CXADR: variants seen among roughly 807,000 people sequenced by gnomAD.
CXADR encodes CXADR cell adhesion molecule, also known as coxsackievirus and adenovirus receptor.
In CXADR, 20 loss-of-function variants were observed where a neutral mutation model predicts 40.3. That is an observed-to-expected ratio of 0.50 (90% CI 0.35 to 0.72). The LOEUF (loss-of-function observed/expected upper bound fraction) is 0.72, where lower values mean the gene tolerates loss of function less well. Ranked by LOEUF, CXADR falls within the 30% of genes least tolerant of loss-of-function variation. CXADR has a pLI of 0.01. For synonymous variants in CXADR, 150 were observed against 161.3 expected, an observed-to-expected ratio of 0.93 and a Z score of 0.53; for missense variants, 332 against 449.1, an observed-to-expected ratio of 0.74 and a Z score of 2.36.
chr21:17,559,669 G>GTTT lies in CXADR; in HGVS notation c.571+558_571+560dup, dbSNP rs1447996912. On this transcript the variant is annotated intron_variant, in intron 4 of 6. Transcript: ENST00000284878. Reference sequence around the variant, plus strand: ...TAGTTACTTTGGTACTTTTTTTTGGGTTTTTTTTTTTTTTTTTTTTTTCCG... The same window carrying GTTT: ...TAGTTACTTTGGTACTTTTTTTTGGGTTTTTTTTTTTTTTTTTTTTTTTTTCCG... 1.4e-3 allele frequency among the ~76,000 whole-genome samples: 38 copies of GTTT among 27,894 alleles called. 1 individual carries two copies. The highest frequency in any genetic ancestry group is 4.0e-3 in the African/African-American group (32 of 7,946). 18.3% of individuals were successfully genotyped at this position (27,894 alleles called of 152,430 possible).
downstream of CXADR, chr21:17,593,707 AAAC>A (rs552951198): frequency 1.1e-3 from 188 of 164,880 alleles, no homozygotes; most frequent in Middle Eastern, 2.8e-3. Flanking sequence ...CAATTCTCTT[AAAC>A]AACGACATAA....
intron 1 of CXADR, among the ~76,000 whole-genome samples, chr21:17,523,345 A>G (rs1395764251): frequency 1.3e-5 from 2 of 152,206 alleles, no homozygotes; most frequent in East Asian, 1.9e-4. Context: ...AGGACCTAGA[A>G]GAGAAAGAGC....
the CXADR span, chr21:17,609,067 T>G: frequency 6.2e-7 from 1 of 1,614,150 alleles, no homozygotes; most frequent in South Asian, 1.1e-5. Context: ...ACCTCTCAAC[T>G]GCCTCTTTTT....
intron 7 of CXADR, among the ~76,000 whole-genome samples, chr21:17,586,734 T>C (rs1241420185): frequency 1.3e-5 from 2 of 152,174 alleles, no homozygotes; most frequent in Admixed American, 6.5e-5. Context: ...TTTAGTTTTT[T>C]AAAATTTTTT....
At chr21:17,580,995 C>T (rs1208566892) in intron 7 of CXADR, among the ~76,000 whole-genome samples, 1 of 152,150 alleles carries the variant, frequency 6.6e-6, no homozygotes, top group African/African-American at 2.4e-5. Flanking sequence ...AAGTGATCCT[C>T]CTGCCTTAGC....
chr21:17,545,937 A>G (rs73308239), intron 1 of CXADR, among the ~76,000 whole-genome samples: 4,550 of 151,764 alleles, frequency 0.03, 228 homozygotes, highest in African/African-American at 0.1. Flanking sequence ...GTGCCACCAT[A>G]CCCAGCCAAT....
chr21:17,568,428 C>G lies in CXADR; in HGVS notation c.*2736C>G, dbSNP rs2061242013. On this transcript the variant is annotated 3_prime_UTR_variant, in exon 7 of 7. Transcript: ENST00000284878. Reference sequence around the variant, plus strand: ...CAGGCGTGAACCACTGCACCCGGCCCAGTACTGCATCTTAACAGCAAAGCC... The same window carrying G: ...CAGGCGTGAACCACTGCACCCGGCCGAGTACTGCATCTTAACAGCAAAGCC... The G allele has an allele frequency of 2.0e-6, 2 of 985,098 alleles. No homozygotes were observed. The highest frequency in any genetic ancestry group is 2.4e-6 in the Non-Finnish European group (2 of 829,954). 61.0% of individuals were successfully genotyped at this position (985,098 alleles called of 1,614,324 possible).
rs1387069159 is a variant in CXADR, at chr21:17,568,258, A to C, written c.*2566A>C. ...ATTCTCCTGCCTCAGCCTCCCGAGC[A>C]GCTGGGACTACAGGCTCCCATCACC... On this transcript the variant is annotated 3_prime_UTR_variant, in exon 7 of 7. Transcript: ENST00000284878. 1.2e-6 allele frequency: 1 copy of C among 839,998 alleles called. No homozygotes were observed. The highest frequency in any genetic ancestry group is 1.9e-5 in the African/African-American group (1 of 53,712). 52.0% of individuals were successfully genotyped at this position (839,998 alleles called of 1,614,324 possible). A position where few individuals can be genotyped will look rare whatever the true frequency, so the allele number is the denominator to read the frequency against.
rs143991674 is a variant in CXADR at position 17,560,709 on chromosome 21, T to A, written c.579T>A (p.Thr193=). 8.1e-4 allele frequency: 1,314 copies of A among 1,612,300 alleles called. 14 individuals are homozygous for A. The African/African-American group carries it at 0.015, about 18-fold the overall frequency. Residue 193 remains threonine (T), a synonymous_variant, in exon 5 of 7, where the codon ACT becomes ACA. Coordinates refer to ENST00000284878, the MANE Select transcript of CXADR (RefSeq NM_001338.5). ...TTTTTCCTCCTTCCATAGAAATGAC[T>A]TCATCTGTTATATCTGTAAAAAATG... The part of the protein sequence containing the change: ...KMPTSWLAEM[T]SSVISVKNAS...
the CXADR span, among the ~76,000 whole-genome samples, chr21:17,621,503 T>TA: frequency 2.6e-5 from 4 of 152,214 alleles, no homozygotes; most frequent in Non-Finnish European, 4.4e-5. Flanking sequence ...CAGTCAAAGA[T>TA]ACTGCTATAA....
At chr21:17,571,610 C>A (rs1015685042), downstream of CXADR, among the ~76,000 whole-genome samples, 12 of 152,112 alleles carry the variant, frequency 7.9e-5, no homozygotes, top group African/African-American at 2.4e-4. Context: ...GTAATACCAA[C>A]AGTGAAAAAA....
chr21:17,633,051 T>C, the CXADR span: 1 of 152,086 alleles, frequency 6.6e-6, no homozygotes, highest in African/African-American at 2.4e-5. Flanking sequence ...TGTGGCTCTA[T>C]AGCATGTTGA....
Position 17,567,232 on chromosome 21 carries a change from A to G in CXADR, c.*1540A>G. 1.0e-6 allele frequency: 1 copy of G among 985,448 alleles called. No individual in the cohort carries two copies. Among genetic ancestry groups the G allele is most frequent in the Non-Finnish European group, 1.2e-6 (1 of 829,932 alleles). The allele number at this position is 985,448 out of a possible 1,614,324, so 61.0% of individuals were successfully genotyped here. On this transcript the variant is annotated 3_prime_UTR_variant, in exon 7 of 7. Transcript: ENST00000284878. ...TGGGTGCTGTGGTGGTAAATGCTAT[A>G]TTATGAACGGTGGCATGTATTTACA...
intron 1 of CXADR, among the ~76,000 whole-genome samples, chr21:17,541,650 G>A (rs1316384793): frequency 7.2e-6 from 1 of 139,482 alleles, no homozygotes; most frequent in African/African-American, 2.7e-5. Context: ...CTGTAGTTTT[G>A]CCTTTTCCAG....
Position 17,551,744 on chromosome 21 carries a change from TTTAGA to T in CXADR, c.211-1_214del, listed in dbSNP as rs1433071560. 6.2e-7 allele frequency: 1 copy of T among 1,601,928 alleles called. No individual in the cohort carries two copies. Among genetic ancestry groups the T allele is most frequent in the Non-Finnish European group, 8.5e-7 (1 of 1,172,400 alleles). ...TCCTCCTGTCTAATTTTGGCTTTCT[TTTAGA>T]TTATTTTATATTCTGGAGACAAAAT... is the stretch of plus-strand genomic sequence containing the variant. On this transcript the variant is annotated splice_acceptor_variant and splice_polypyrimidine_tract_variant and coding_sequence_variant and intron_variant, in exon 3 of 7. Transcript: ENST00000284878. LOFTEE classifies it high-confidence loss of function.
intron 1 of CXADR, among the ~76,000 whole-genome samples, 197 bp downstream of exon 1, chr21:17,513,369 G>C (rs1223858969): frequency 6.6e-6 from 1 of 152,094 alleles, no homozygotes; most frequent in African/African-American, 2.4e-5. Flanking sequence ...CCCGTAGGGA[G>C]CCGCGCAGGG....
chr21:17,593,156 A>G (rs1034223703), exon 8 of CXADR: 3 of 1,440,318 alleles, frequency 2.1e-6, no homozygotes, highest in Non-Finnish European at 1.8e-6. Context: ...TTGTAGTTCA[A>G]GTACCCTTAC....
At chr21:17,602,301 G>A in the CXADR span, among the ~76,000 whole-genome samples, 3 of 152,084 alleles carry the variant, frequency 2.0e-5, no homozygotes, top group Admixed American at 6.5e-5. Flanking sequence ...TTGTACTCTT[G>A]CAGCATTTTA....
chr21:17,604,373 A>G, the CXADR span: 1 of 199,416 alleles, frequency 5.0e-6, no homozygotes, highest in Non-Finnish European at 1.1e-5. Flanking sequence ...TGAACCCGGC[A>G]GGCAGAGGTT....
Sources: allele counts gnomAD v4.1 joint callset (sites outside exome capture counted in the v4.1 genomes callset), GRCh38; gene constraint gnomAD v4.1.1; transcripts MANE v1.5; gene names NCBI Gene and HGNC (gene_info 2026-07-23, HGNC 2026-07-21).